Variants in SLC29A1 observed in about 807,000 individuals in gnomAD.
The protein encoded by SLC29A1 is solute carrier family 29 member 1 (Augustine blood group), also known as equilibrative nucleoside transporter 1.
SLC29A1 carries 22 observed loss-of-function variants against 48.3 expected under a neutral mutation model. The ratio of observed to expected loss-of-function variants is 0.46; its 90% CI spans 0.33 to 0.65. SLC29A1 has a LOEUF of 0.65. Among genes scored for constraint, SLC29A1 ranks in the 30% least tolerant of loss-of-function variants. The probability of loss-of-function intolerance (pLI) is 0.03; values close to 1 mark genes in which losing one functional copy is unlikely to be tolerated. For missense variants in SLC29A1, 491 were observed against 575.3 expected (o/e 0.85, Z 1.50); for synonymous variants, 228 against 231.0 (o/e 0.99, Z 0.12).
At chr6:44,220,407 C>A (rs1445630228), upstream of SLC29A1, among the ~76,000 whole-genome samples, 1 of 146,710 alleles carries the variant, frequency 6.8e-6, no homozygotes, top group Non-Finnish European at 1.5e-5. Context: ...TGGTCTTGAA[C>A]TCCTAAGCTC....
chr6:44,230,273 C>T, intron 5 of SLC29A1, 74 bp from the exon 6 acceptor site: 2 of 1,568,532 alleles, frequency 1.3e-6, no homozygotes, highest in Non-Finnish European at 8.7e-7. Flanking sequence ...GTAGGAATGA[C>T]AGGGATCTGT....
upstream of SLC29A1, chr6:44,221,616 G>GCC: frequency 7.8e-7 from 1 of 1,289,372 alleles, no homozygotes; most frequent in Non-Finnish European, 1.0e-6. The surrounding 1 kb of genome is among the most constrained non-coding windows in gnomAD (Gnocchi z 4.2). Context: ...AGGGAGAGAA[G>GCC]CCAGAAGACC....
At chr6:44,231,611 G>A (rs1255453281) in intron 9 of SLC29A1, 150 bp downstream of exon 9, 21 of 631,390 alleles carry the variant, frequency 3.3e-5, no homozygotes, top group East Asian at 5.5e-5. Flanking sequence ...CCATGCGTGC[G>A]TGCCGGGGGT....
At chr6:44,225,205 A>G (rs746251275) in intron 1 of SLC29A1, among the ~76,000 whole-genome samples, 17 of 152,088 alleles carry the variant, frequency 1.1e-4, no homozygotes, top group Admixed American at 5.9e-4. Flanking sequence ...CTACTACCTA[A>G]TAGAAAACCT....
chr6:44,227,427 C>T (rs1777820345), intron 2 of SLC29A1, 85 bp downstream of exon 2: 1 of 1,248,348 alleles, frequency 8.0e-7, no homozygotes, highest in Admixed American at 1.9e-5. Flanking sequence ...TGGGGGTTGC[C>T]ATTGCTGGCT....
chr6:44,230,102 CTT>C (rs1272322655), intron 5 of SLC29A1, 56 bp downstream of exon 5: 22 of 1,593,838 alleles, frequency 1.4e-5, no homozygotes, highest in Non-Finnish European at 1.7e-5. Flanking sequence ...TACCCCCACT[CTT>C]TTTTCAGACC....
chr6:44,221,809 C>A (rs1776461338), upstream of SLC29A1: 2 of 385,718 alleles, frequency 5.2e-6, no homozygotes, highest in Non-Finnish European at 9.8e-6. This position sits in a 1 kb window ranked among gnomAD's most constrained non-coding sequence, Gnocchi z 4.2. Context: ...GCCAGACGGA[C>A]TTCTCTCCAA....
In SLC29A1 at chr6:44,229,845, C is replaced by T; in HGVS notation, c.314+54C>T. On this transcript the variant is annotated intron_variant, in intron 4 of 12. Coordinates refer to ENST00000371755, the MANE Select transcript of SLC29A1 (RefSeq NM_001372327.1). The surrounding 1 kb of genome is among the most constrained non-coding windows in gnomAD (Gnocchi z 5.1). ...AGCCTGACCCTCACTGTGTCCTGCACCCCCTTGGCTGAGCCCCAGCTTTGC... is the reference window on the plus strand; with the variant it reads ...AGCCTGACCCTCACTGTGTCCTGCATCCCCTTGGCTGAGCCCCAGCTTTGC... 3.7e-6 allele frequency: 6 copies of T among 1,609,722 alleles called. No individual in the cohort carries two copies. The highest frequency in any genetic ancestry group is 5.1e-6 in the Non-Finnish European group (6 of 1,178,086).
At position 44,232,073 on chromosome 6, in the gene SLC29A1, G is replaced by T; in HGVS notation, c.940G>T (p.Val314Phe). ...IGMFPAVTVEVKSSIAGSSTW... is the reference protein window; with the variant it reads ...IGMFPAVTVEFKSSIAGSSTW... ...GATGTTTCCAGCCGTGACTGTTGAG[G>T]TCAAGTCCAGCATCGCAGGCAGCAG... The change falls in exon 10 of 13, where the codon GTC becomes TTC. Residue 314 changes from valine to phenylalanine, a missense_variant. Val to Phe is a conservative substitution (Grantham distance 50). Coordinates refer to ENST00000371755, the MANE Select transcript of SLC29A1 (RefSeq NM_001372327.1). This position sits in a 1 kb window ranked among gnomAD's most constrained non-coding sequence, Gnocchi z 4.7. 1 of 1,614,048 alleles carries T rather than the reference G, an allele frequency of 6.2e-7. No individual in the cohort carries two copies. The highest frequency in any genetic ancestry group is 8.5e-7 in the Non-Finnish European group (1 of 1,179,924).
Position 44,223,607 on chromosome 6 carries a change from C to G in SLC29A1, c.-86C>G, listed in dbSNP as rs745885765. On this transcript the variant is annotated 5_prime_UTR_variant, in exon 1 of 13. Coordinates refer to ENST00000371755, the MANE Select transcript of SLC29A1 (RefSeq NM_001372327.1). The surrounding 1 kb of genome is among the most constrained non-coding windows in gnomAD (Gnocchi z 5.0). Reference sequence around the variant, plus strand: ...AGAGGGAAGCTGCAGCGAGAGCGCGCGGATCTCAGCGCGGGAGCAGTGCTT... The same window carrying G: ...AGAGGGAAGCTGCAGCGAGAGCGCGGGGATCTCAGCGCGGGAGCAGTGCTT... 6 of 1,215,010 alleles carry G rather than the reference C, an allele frequency of 4.9e-6. No homozygotes were observed. The South Asian group carries it at 8.2e-5, about 17-fold the overall frequency. 75.3% of individuals were successfully genotyped at this position (1,215,010 alleles called of 1,614,324 possible).
At chr6:44,224,008 G>T (rs1316707071) in intron 1 of SLC29A1, 6 of 889,868 alleles carry the variant, frequency 6.7e-6, no homozygotes, top group Non-Finnish European at 8.1e-6. Flanking sequence ...AGGGGTATGG[G>T]GATGGGGATG....
At position 44,230,661 on chromosome 6, in the gene SLC29A1, G is replaced by A. The variant is rs200092000; in HGVS notation, c.683G>A (p.Arg228His). The change falls in exon 7 of 13, where the codon CGC (arginine) becomes CAC (histidine). Residue 228 changes from arginine to histidine, a missense_variant. Physicochemically the swap from Arg to His is conservative, Grantham distance 29 (BLOSUM62 0). Coordinates refer to ENST00000371755, the MANE Select transcript of SLC29A1 (RefSeq NM_001372327.1). ...LTIICYLGLPRLEFYRYYQQL... is the reference protein window; with the variant it reads ...LTIICYLGLPHLEFYRYYQQL... The stretch of plus-strand genomic sequence containing the variant: ...ATCATCTGTTACCTGGGCCTGCCCC[G>A]CCTGGTGAGTAAATGGAGGGAGCTG... 8.7e-6 allele frequency: 14 copies of A among 1,608,708 alleles called. No homozygotes were observed. The highest frequency in any genetic ancestry group is 5.0e-5 in the Admixed American group (3 of 59,672).
At chr6:44,219,760 T>A (rs962268689), upstream of SLC29A1, 4 of 1,287,152 alleles carry the variant, frequency 3.1e-6, no homozygotes, top group Non-Finnish European at 3.0e-6. Context: ...CAAGTCCGGA[T>A]GCTCACTCCA....
upstream of SLC29A1, among the ~76,000 whole-genome samples, chr6:44,222,648 G>A (rs1158256599): frequency 6.6e-6 from 1 of 151,358 alleles, no homozygotes; most frequent in Non-Finnish European, 1.5e-5. Flanking sequence ...TTTATTGCCC[G>A]ACCAAAGAGA....
Position 44,232,426 on chromosome 6 carries a change from T to C in SLC29A1, c.1057T>C (p.Trp353Arg). ...LGRSLTAVFM[W>R]PGKDSRWLPS... is the part of the protein sequence containing the mutation. The stretch of plus-strand genomic sequence containing the variant: ...CCGGAGCCTCACAGCTGTATTCATG[T>C]GGGTAAGTGGAGGAAGAGGGCCCCA... The change falls in exon 11 of 13, where the codon TGG (tryptophan) becomes CGG (arginine). Residue 353 changes from tryptophan (W) to arginine (R), a missense_variant and splice_region_variant. By Grantham distance (101) the Trp-to-Arg change is moderately radical. Transcript: ENST00000371755. This position sits in a 1 kb window ranked among gnomAD's most constrained non-coding sequence, Gnocchi z 4.7. 4 of 1,608,738 alleles carry C rather than the reference T, an allele frequency of 2.5e-6. No homozygotes were observed. The highest frequency in any genetic ancestry group is 3.4e-6 in the Non-Finnish European group (4 of 1,175,338).
intron 2 of SLC29A1, among the ~76,000 whole-genome samples, chr6:44,227,936 A>G: frequency 6.6e-6 from 1 of 151,996 alleles, no homozygotes; most frequent in East Asian, 1.9e-4. Flanking sequence ...CTGCCCTCCA[A>G]CTCAGGCCCC....
chr6:44,233,273 T>C (rs924785904), intron 12 of SLC29A1, 144 bp from the exon 13 acceptor site: 6 of 785,374 alleles, frequency 7.6e-6, no homozygotes, highest in African/African-American at 1.7e-5. Context: ...AGAAGCCAGG[T>C]TGGGGTTAGG....
chr6:44,226,678 C>T (rs1250726885), intron 1 of SLC29A1: 22 of 942,248 alleles, frequency 2.3e-5, no homozygotes, highest in Non-Finnish European at 3.8e-6. Flanking sequence ...GCCATGAATC[C>T]AGGGGCTCCC....
At chr6:44,224,020 G>C (rs1776880883) in intron 1 of SLC29A1, 1 of 835,232 alleles carries the variant, frequency 1.2e-6, no homozygotes, top group South Asian at 5.4e-5. Context: ...ATGGGGATGG[G>C]GATGGAGGCT....
Sources: allele counts gnomAD v4.1 joint callset (sites outside exome capture counted in the v4.1 genomes callset), GRCh38; gene constraint gnomAD v4.1.1; non-coding constraint Gnocchi (gnomAD v3.1); transcripts MANE v1.5; gene names NCBI Gene and HGNC (gene_info 2026-07-23, HGNC 2026-07-21).